The following FAT2 variants were observed in gnomAD, a reference collection of about 807,000 sequenced individuals.
FAT2 encodes the protein protocadherin Fat 2.
In FAT2, 150 loss-of-function variants were observed where a neutral mutation model predicts 295.3. The observed-to-expected ratio is 0.51, with a 90% CI of 0.44 to 0.58. The LOEUF is 0.58. Among genes scored for constraint, FAT2 ranks in the 20% least tolerant of loss-of-function variants. The probability of loss-of-function intolerance (pLI) is 0.00; values close to 1 mark genes in which losing one functional copy is unlikely to be tolerated. For missense variants in FAT2, 4,868 were observed against 5,442.7 expected (o/e 0.89, Z 3.32); for synonymous variants, 2,026 against 2,150.3 (o/e 0.94, Z 1.60).
At chr5:151,533,393 AACACACACACACAC>A (rs36215342) in intron 13 of FAT2, among the ~76,000 whole-genome samples, 29 of 132,114 alleles carry the variant, frequency 2.2e-4, no homozygotes, top group African/African-American at 3.6e-4. Flanking sequence ...TGTTATCTCC[AACACACACACACAC>A]ACACACACAC....
At chr5:151,538,886 A>G (rs930775146) in intron 11 of FAT2, among the ~76,000 whole-genome samples, 1 of 150,306 alleles carries the variant, frequency 6.7e-6, no homozygotes, top group African/African-American at 2.5e-5. Context: ...GGGTTTCACC[A>G]TGTTGGCCAG....
chr5:151,553,533 G>A (rs1477756959), intron 5 of FAT2, 146 bp from the exon 6 acceptor site: 2 of 732,812 alleles, frequency 2.7e-6, no homozygotes, highest in Admixed American at 4.6e-5. Flanking sequence ...ATACTTGAAG[G>A]CTTGCTGTAA....
intron 9 of FAT2, 23 bp from the exon 10 acceptor site, chr5:151,546,360 C>T: frequency 6.3e-7 from 1 of 1,583,236 alleles, no homozygotes; most frequent in Non-Finnish European, 8.6e-7. Flanking sequence ...ACAAGACAAA[C>T]AAGTTTGCCA....
At chr5:151,562,217 T>A (rs1758045771) in intron 3 of FAT2, among the ~76,000 whole-genome samples, 1 of 152,164 alleles carries the variant, frequency 6.6e-6, no homozygotes, top group Non-Finnish European at 1.5e-5. Context: ...CCTGGTTACC[T>A]TTTGTCTTAA....
At chr5:151,528,193 A>G in intron 15 of FAT2, 60 bp from the exon 16 acceptor site, 4 of 1,591,158 alleles carry the variant, frequency 2.5e-6, no homozygotes, top group Non-Finnish European at 3.4e-6. Context: ...CTGGGAGTAC[A>G]GGGGGAAACA....
In FAT2 at chr5:151,567,784, A is replaced by G. The variant is rs758852827; in HGVS notation, c.1148T>C (p.Met383Thr). Residue 383 changes from methionine (M) to threonine (T), a missense_variant, in exon 2 of 24, where the codon ATG becomes ACG. Coordinates refer to ENST00000261800, the MANE Select transcript of FAT2 (RefSeq NM_001447.3). ...EFSPPGSRVVMVRVTPAFPNL... is the reference protein window; with the variant it reads ...EFSPPGSRVVTVRVTPAFPNL... ...GGGGAAGGCTGGGGTGACTCTCACCATCACCACGCGGCTGCCAGGAGGGGA... is the reference window on the plus strand; with the variant it reads ...GGGGAAGGCTGGGGTGACTCTCACCGTCACCACGCGGCTGCCAGGAGGGGA... 2.5e-6 allele frequency: 4 copies of G among 1,614,208 alleles called. No individual in the cohort carries two copies. The highest frequency in any genetic ancestry group is 3.4e-6 in the Non-Finnish European group (4 of 1,180,024).
At position 151,512,764 on chromosome 5, in the gene FAT2, A is replaced by G. The variant is rs1761420601; in HGVS notation, c.11464-158T>C. On this transcript the variant is annotated intron_variant, in intron 20 of 23. Coordinates refer to ENST00000261800, the MANE Select transcript of FAT2 (RefSeq NM_001447.3). This position sits in a 1 kb window ranked among gnomAD's most constrained non-coding sequence, Gnocchi z 4.1. ...GCATTTGCAGAGCATAAAAACCCTC[A>G]AAGTGCTTTTGTGTTGATGGTCTCC... 2 of 676,800 alleles carry G rather than the reference A, an allele frequency of 3.0e-6. No individual in the cohort carries two copies. The highest frequency in any genetic ancestry group is 2.9e-5 in the Admixed American group (1 of 34,338). The allele number at this position is 676,800 out of a possible 1,614,324, so 41.9% of individuals were successfully genotyped here.
intron 1 of FAT2, among the ~76,000 whole-genome samples, chr5:151,571,124 C>T (rs947467927): frequency 2.6e-5 from 4 of 152,080 alleles, no homozygotes; most frequent in African/African-American, 9.7e-5. Context: ...AGCTGCTGTA[C>T]GTTTCCCGCC....
rs139416320 is a variant in FAT2 at position 151,563,617 on chromosome 5, G to T, written c.3282C>A (p.Pro1094=). ...QDTGMIQTLA[P]LDREFASYYW... The stretch of plus-strand genomic sequence containing the variant: ...AGTAAGATGCAAATTCTCGGTCCAG[G>T]GGTGCCAGAGTCTGAATCATTCCTA... The change falls in exon 3 of 24, where the codon CCC becomes CCA. Residue 1094 remains proline, a synonymous_variant. Coordinates refer to ENST00000261800, the MANE Select transcript of FAT2 (RefSeq NM_001447.3). 1 of 1,613,896 alleles carries T rather than the reference G, an allele frequency of 6.2e-7. No individual in the cohort carries two copies. Among genetic ancestry groups the T allele is most frequent in the African/African-American group, 1.3e-5 (1 of 74,910 alleles).
chr5:151,522,547 G>T (rs1753584375), intron 18 of FAT2, among the ~76,000 whole-genome samples: 2 of 152,228 alleles, frequency 1.3e-5, no homozygotes, highest in African/African-American at 4.8e-5. Flanking sequence ...TGGGAGTCGG[G>T]ATTTGTCCTT....
intron 1 of FAT2, among the ~76,000 whole-genome samples, chr5:151,571,978 G>A (rs1484854183): frequency 3.9e-5 from 6 of 152,164 alleles, no homozygotes; most frequent in Admixed American, 2.6e-4. Flanking sequence ...CTGCCTCGGG[G>A]CCTTTGCACT....
At chr5:151,537,439 AGAGGG>A (rs138227987) in intron 12 of FAT2, among the ~76,000 whole-genome samples, 90,334 of 146,902 alleles carry the variant, frequency 0.61, 28,309 homozygotes, top group African/African-American at 0.77. Context: ...AGAGGAAAGG[AGAGGG>A]GAGGGGAGGG....
In FAT2 at chr5:151,540,569, G is replaced by A. The variant is rs2127602174; in HGVS notation, c.9037C>T (p.Gln3013Ter). ...TCCACCCCTCGCCAGGCTCTCACCT[G>A]TGAACACTGTGGGCTGTTATCATTG... Reference protein sequence around the residue: ...DVNDNSPQCSQLLYTGKVHED... With the variant: ...DVNDNSPQCS Residue 3013 changes from glutamine to a stop codon, truncating the protein, a stop_gained and splice_region_variant, in exon 11 of 24, where the codon CAG becomes TAG. Transcript: ENST00000261800. LOFTEE classifies it high-confidence loss of function. 1 of 1,611,542 alleles carries A rather than the reference G, an allele frequency of 6.2e-7. No individual in the cohort carries two copies. The highest frequency in any genetic ancestry group is 8.5e-7 in the Non-Finnish European group (1 of 1,178,548).
chr5:151,520,740 A>C (rs1167238652), intron 19 of FAT2, among the ~76,000 whole-genome samples: 1 of 152,232 alleles, frequency 6.6e-6, no homozygotes, highest in East Asian at 1.9e-4. Flanking sequence ...CTAGTGACTG[A>C]TGGAGCTAGG....
chr5:151,520,534 T>A (rs1175629740), intron 19 of FAT2, among the ~76,000 whole-genome samples: 1 of 152,216 alleles, frequency 6.6e-6, no homozygotes, highest in Non-Finnish European at 1.5e-5. Flanking sequence ...CTATAGCAAC[T>A]GCTACCACGG....
At chr5:151,563,298 T>A (rs1420536610) in intron 3 of FAT2, 27 bp downstream of exon 3, 1 of 1,607,304 alleles carries the variant, frequency 6.2e-7, no homozygotes, top group Middle Eastern at 1.7e-4. Context: ...TAGAGATCCC[T>A]GTTCACCCAG....
At chr5:151,565,647 A>AGGGGCC in intron 2 of FAT2, 26 bp downstream of exon 2, 6 of 1,460,996 alleles carry the variant, frequency 4.1e-6, no homozygotes, top group Non-Finnish European at 4.6e-6. Flanking sequence ...TGGCCCTGGC[A>AGGGGCC]CCCCACCCTA....
At chr5:151,535,384 T>C (rs12659298) in intron 12 of FAT2, among the ~76,000 whole-genome samples, 1 of 151,586 alleles carries the variant, frequency 6.6e-6, no homozygotes, top group Non-Finnish European at 1.5e-5. Flanking sequence ...CCCCAGAGAG[T>C]CTCCTGCCTT....
intron 6 of FAT2, among the ~76,000 whole-genome samples, chr5:151,552,649 G>A (rs1358615730): frequency 1.3e-5 from 2 of 152,204 alleles, no homozygotes; most frequent in African/African-American, 2.4e-5. Context: ...GTGACCCCCA[G>A]ATGTTGAAAC....
Sources: gnomAD v4.1 joint callset for allele counts (sites outside exome capture counted in the v4.1 genomes callset) on GRCh38, gnomAD v4.1.1 for gene constraint, Gnocchi (gnomAD v3.1) non-coding constraint, MANE v1.5 for transcripts, NCBI Gene and HGNC (gene_info 2026-07-23, HGNC 2026-07-21) for gene names.